The following EFCAB6 variants were observed in gnomAD, a reference collection of about 807,000 sequenced individuals.
EFCAB6 encodes EF-hand calcium binding domain 6.
EFCAB6 carries 156 observed loss-of-function variants against 169.8 expected under a neutral mutation model. The ratio of observed to expected loss-of-function variants is 0.92; its 90% CI spans 0.81 to 1.05. The LOEUF (loss-of-function observed/expected upper bound fraction) is 1.05. Among genes scored for constraint, EFCAB6 ranks in the 50% least tolerant of loss-of-function variants. EFCAB6 has a pLI of 0.00. For synonymous variants in EFCAB6, 698 were observed against 676.4 expected (o/e 1.03, Z -0.50); for missense variants, 1,800 against 1,829.1 (o/e 0.98, Z 0.29).
At chr22:43,791,800 T>C (rs2062302046) in intron 2 of EFCAB6, among the ~76,000 whole-genome samples, 1 of 152,048 alleles carries the variant, frequency 6.6e-6, no homozygotes, top group African/African-American at 2.4e-5. Context: ...TCTGCTGTAA[T>C]GGGGAGAAAC....
intron 2 of EFCAB6, among the ~76,000 whole-genome samples, chr22:43,802,024 T>C (rs1218266332): frequency 6.6e-6 from 1 of 152,208 alleles, no homozygotes; most frequent in Non-Finnish European, 1.5e-5. Flanking sequence ...ATGGAAAGGA[T>C]ATTCCATGCA....
At chr22:43,766,573 G>C (rs2061332780) in intron 4 of EFCAB6, among the ~76,000 whole-genome samples, 1 of 151,836 alleles carries the variant, frequency 6.6e-6, no homozygotes. Flanking sequence ...GGAGTAAAGT[G>C]GCAGGATCTC....
chr22:43,746,271 C>T (rs983559335), intron 6 of EFCAB6, among the ~76,000 whole-genome samples: 8 of 152,144 alleles, frequency 5.3e-5, no homozygotes, highest in Non-Finnish European at 1.5e-5. Flanking sequence ...CCTGCCTTTA[C>T]CAAAAATCGA....
At chr22:43,784,500 A>AT (rs537634099) in intron 2 of EFCAB6, among the ~76,000 whole-genome samples, 4,679 of 72,072 alleles carry the variant, frequency 0.065, 278 homozygotes, top group South Asian at 0.082. Flanking sequence ...AAAAAAAAAA[A>AT]AAATATATAT....
At chr22:43,576,803 T>G (rs2050286048) in intron 25 of EFCAB6, among the ~76,000 whole-genome samples, 5 of 152,326 alleles carry the variant, frequency 3.3e-5, no homozygotes, top group East Asian at 1.9e-4. Context: ...GCCTCGCCCC[T>G]GCTCCCAGGA....
chr22:43,794,991 G>A (rs920695698), intron 2 of EFCAB6, among the ~76,000 whole-genome samples: 3 of 152,108 alleles, frequency 2.0e-5, no homozygotes, highest in African/African-American at 4.8e-5. Context: ...CTATGGCCAC[G>A]CATTTGGGAC....
intron 17 of EFCAB6, among the ~76,000 whole-genome samples, chr22:43,647,059 C>T (rs1288040470): frequency 6.6e-6 from 1 of 152,042 alleles, no homozygotes; most frequent in Non-Finnish European, 1.5e-5. Context: ...GGAGGCTGTG[C>T]ACGTGGGGAC....
At chr22:43,760,859 C>T (rs953181424) in intron 5 of EFCAB6, among the ~76,000 whole-genome samples, 13 of 152,160 alleles carry the variant, frequency 8.5e-5, no homozygotes, top group Admixed American at 3.3e-4. Flanking sequence ...GACGGGGTTT[C>T]GCCATGTTGG....
intron 24 of EFCAB6, among the ~76,000 whole-genome samples, chr22:43,585,252 G>A (rs1471052114): frequency 6.6e-6 from 1 of 151,654 alleles, no homozygotes; most frequent in Admixed American, 6.6e-5. Flanking sequence ...AATGTAATCA[G>A]AGATGGAAAC....
chr22:43,780,096 A>G (rs899595582), intron 3 of EFCAB6, among the ~76,000 whole-genome samples: 1 of 152,174 alleles, frequency 6.6e-6, no homozygotes, highest in African/African-American at 2.4e-5. Context: ...CTGTGTTAGG[A>G]TACTTAGAAA....
At chr22:43,686,907 A>G (rs1393446313) in intron 11 of EFCAB6, among the ~76,000 whole-genome samples, 4 of 152,254 alleles carry the variant, frequency 2.6e-5, no homozygotes, top group African/African-American at 9.6e-5. Context: ...TAAATTTTTT[A>G]AAAAACATTT....
chr22:43,633,182 G>A (rs1385130802), intron 18 of EFCAB6, among the ~76,000 whole-genome samples: 2 of 152,200 alleles, frequency 1.3e-5, no homozygotes, highest in African/African-American at 2.4e-5. Context: ...CTGATACTAA[G>A]ACCCGTTGGT....
At position 43,537,143 on chromosome 22, in the gene EFCAB6, A is replaced by T; in HGVS notation, c.4048+234T>A. On this transcript the variant is annotated intron_variant, in intron 29 of 31. Transcript: ENST00000262726. The surrounding 1 kb of genome is among the most constrained non-coding windows in gnomAD (Gnocchi z 4.3). Reference sequence around the variant, plus strand: ...GATTTCTAAAGCTCAGAGTTAGTGCAGCGCTGACTTTACCATGCAGATGGG... The same window carrying T: ...GATTTCTAAAGCTCAGAGTTAGTGCTGCGCTGACTTTACCATGCAGATGGG... The T allele has an allele frequency of 4.4e-6, 2 of 454,114 alleles. No individual in the cohort carries two copies. 28.1% of individuals were successfully genotyped at this position (454,114 alleles called of 1,614,324 possible). A position where few individuals can be genotyped will look rare whatever the true frequency, so the allele number is the denominator to read the frequency against.
intron 6 of EFCAB6, 133 bp from the exon 7 acceptor site, chr22:43,736,126 T>A (rs1177268329): frequency 3.6e-6 from 3 of 829,344 alleles, no homozygotes; most frequent in Non-Finnish European, 5.1e-6. Flanking sequence ...GTGGTAGGCA[T>A]GGCAAAAATG....
intron 2 of EFCAB6, among the ~76,000 whole-genome samples, chr22:43,788,463 A>G (rs920844853): frequency 6.6e-6 from 1 of 152,252 alleles, no homozygotes; most frequent in African/African-American, 2.4e-5. Flanking sequence ...ACAAATGACC[A>G]GTAAGTACAT....
Position 43,784,611 on chromosome 22 carries a change from G to GTATATATACACATATATA in EFCAB6, c.-7-2287_-7-2286insTATATATGTGTATATATA, listed in dbSNP as rs2061981582. Among the ~76,000 whole-genome samples the GTATATATACACATATATA allele has an allele frequency of 5.4e-4, 29 of 53,688 alleles. 5 individuals are homozygous for GTATATATACACATATATA. Among genetic ancestry groups the GTATATATACACATATATA allele is most frequent in the South Asian group, 2.6e-3 (4 of 1,544 alleles). The allele number at this position is 53,688 out of a possible 152,430, so 35.2% of individuals were successfully genotyped here. On this transcript the variant is annotated intron_variant, in intron 2 of 31. Transcript: ENST00000262726. ...TATATGTATATATACACATATATAT[G>GTATATATACACATATATA]TGTATATATACACATATATATGTAT... is the stretch of plus-strand genomic sequence containing the variant.
At chr22:43,629,982 C>T (rs1392198541) in intron 19 of EFCAB6, among the ~76,000 whole-genome samples, 1 of 152,124 alleles carries the variant, frequency 6.6e-6, no homozygotes, top group Admixed American at 6.5e-5. Flanking sequence ...TGTGGGTTGA[C>T]AGGTTAATCC....
intron 3 of EFCAB6, 58 bp downstream of exon 3, chr22:43,782,122 T>C: frequency 6.5e-7 from 1 of 1,532,634 alleles, no homozygotes; most frequent in Non-Finnish European, 8.9e-7. Flanking sequence ...TTGGTACATA[T>C]TAAATACATA....
chr22:43,533,846 T>C (rs542223270), intron 30 of EFCAB6, among the ~76,000 whole-genome samples: 1 of 152,304 alleles, frequency 6.6e-6, no homozygotes, highest in East Asian at 1.9e-4. Context: ...CCGGGGACAT[T>C]TCACAGATGA....
Sources: gnomAD v4.1 joint callset for allele counts (sites outside exome capture counted in the v4.1 genomes callset) on GRCh38, gnomAD v4.1.1 for gene constraint, Gnocchi (gnomAD v3.1) non-coding constraint, MANE v1.5 for transcripts, NCBI Gene and HGNC (gene_info 2026-07-23, HGNC 2026-07-21) for gene names.